The following DMD variants were observed in gnomAD, a reference collection of about 807,000 sequenced individuals.
The protein encoded by DMD is dystrophin, also known as mutant dystrophin.
In DMD, 63 loss-of-function variants were observed where a neutral mutation model predicts 330.1. That is an observed-to-expected ratio of 0.19 (90% CI 0.16 to 0.24). DMD has a LOEUF of 0.24. Among genes scored for constraint, DMD ranks in the 10% least tolerant of loss-of-function variants. DMD has a pLI of 1.00. For missense variants in DMD, 3,344 were observed against 2,684.1 expected (o/e 1.25, Z -5.43); for synonymous variants, 1,223 against 959.8 (o/e 1.27, Z -5.07).
intron 62 of DMD, among the ~76,000 whole-genome samples, chrX:31,299,113 T>C (rs765007671): frequency 8.9e-6 from 1 of 111,771 alleles, no homozygotes; most frequent in Non-Finnish European, 1.9e-5. Flanking sequence ...TCTGCAAATG[T>C]CATTTACAAA....
intron 17 of DMD, among the ~76,000 whole-genome samples, chrX:32,521,103 A>G (rs904224840): frequency 3.6e-5 from 4 of 111,655 alleles, no homozygotes; most frequent in Admixed American, 9.5e-5. Flanking sequence ...AATTAAAGTC[A>G]TTCCCACTAC....
In DMD at chrX:32,724,102, A is replaced by T. The variant is rs142759611; in HGVS notation, c.650-24809T>A. On this transcript the variant is annotated intron_variant, in intron 7 of 78. Coordinates refer to ENST00000357033, the MANE Select transcript of DMD (RefSeq NM_004006.3). ...ATTAGATTCGACAGTTGACAAGTCA[A>T]ATATAATACATTTAAATGGTGCAAT... 8.3e-3 allele frequency among the ~76,000 whole-genome samples: 933 copies of T among 112,228 alleles called. 7 individuals are homozygous for T. Among genetic ancestry groups the T allele is most frequent in the African/African-American group, 0.028 (865 of 31,010 alleles).
chrX:31,155,164 A>C (rs1430656513), intron 74 of DMD, among the ~76,000 whole-genome samples: 2 of 112,467 alleles, frequency 1.8e-5, no homozygotes, highest in African/African-American at 6.5e-5. Context: ...GCAATGATTT[A>C]TGAGTGCCTC....
chrX:32,456,578 T>TTGTGTGTGTGTG (rs60876331), intron 25 of DMD, among the ~76,000 whole-genome samples: 6 of 89,499 alleles, frequency 6.7e-5, no homozygotes, highest in African/African-American at 2.4e-4. Context: ...CATACATACT[T>TTGTGTGTGTGTG]TGTGTGTGTG....
chrX:32,156,760 T>G (rs974633326), intron 44 of DMD, among the ~76,000 whole-genome samples: 3 of 111,632 alleles, frequency 2.7e-5, no homozygotes, highest in African/African-American at 9.8e-5. Flanking sequence ...GAAATTTTAC[T>G]TCTTCTATGA....
chrX:33,045,639 G>A (rs2094369957), intron 1 of DMD, among the ~76,000 whole-genome samples: 1 of 109,291 alleles, frequency 9.1e-6, no homozygotes, highest in South Asian at 4.0e-4. Context: ...TAGAAGCCGT[G>A]TGGGGGTGTG....
chrX:32,482,281 T>C (rs1263899909), intron 21 of DMD, among the ~76,000 whole-genome samples: 2 of 111,513 alleles, frequency 1.8e-5, no homozygotes, highest in African/African-American at 6.5e-5. Flanking sequence ...AAGTATTTTA[T>C]CAACTGTCAT....
rs56794668 is a variant in DMD, at chrX:33,026,313, C to CAAAAAAAAAAAAAAAAAAAA, written c.32-6133_32-6114dup. Among the ~76,000 whole-genome samples, 18 of 32,780 alleles carry CAAAAAAAAAAAAAAAAAAAA rather than the reference C, an allele frequency of 5.5e-4. 1 individual carries two copies. Among genetic ancestry groups the CAAAAAAAAAAAAAAAAAAAA allele is most frequent in the Non-Finnish European group, 6.9e-4 (13 of 18,863 alleles). The allele number at this position is 32,780 out of a possible 115,157, so 28.5% of individuals were successfully genotyped here. A position where few individuals can be genotyped will look rare whatever the true frequency, so the allele number is the denominator to read the frequency against. The stretch of plus-strand genomic sequence containing the variant: ...CTGGGGGACAGAGGAGACTCCGTCT[C>CAAAAAAAAAAAAAAAAAAAA]AAAAAAAAAAAAAAAAAAAAAAAAA... On this transcript the variant is annotated intron_variant, in intron 1 of 78. Coordinates refer to ENST00000357033, the MANE Select transcript of DMD (RefSeq NM_004006.3).
At chrX:32,654,787 T>G (rs1026411865) in intron 9 of DMD, among the ~76,000 whole-genome samples, 1 of 111,215 alleles carries the variant, frequency 9.0e-6, no homozygotes, top group African/African-American at 3.3e-5. Context: ...GTCCTGGACT[T>G]TTTTTGGTTG....
chrX:32,364,313 C>T (rs183946958), intron 36 of DMD, among the ~76,000 whole-genome samples: 1 of 111,810 alleles, frequency 8.9e-6, no homozygotes, highest in East Asian at 2.8e-4. Flanking sequence ...AATATGATTT[C>T]AAAATAAATC....
intron 44 of DMD, among the ~76,000 whole-genome samples, chrX:32,039,467 T>C (rs1385661255): frequency 9.0e-6 from 1 of 111,698 alleles, no homozygotes; most frequent in East Asian, 2.8e-4. Context: ...GATTTTATCA[T>C]CACTAAGATG....
intron 44 of DMD, among the ~76,000 whole-genome samples, chrX:32,153,909 A>G (rs781521689): frequency 1.8e-5 from 2 of 112,216 alleles, no homozygotes; most frequent in Non-Finnish European, 3.8e-5. Flanking sequence ...AAAAATATCA[A>G]TCTGCAATTC....
intron 59 of DMD, among the ~76,000 whole-genome samples, chrX:31,454,270 C>G (rs1222294851): frequency 9.0e-6 from 1 of 110,930 alleles, no homozygotes; most frequent in Non-Finnish European, 1.9e-5. Context: ...TCCCAAGTAG[C>G]TGGGATTACA....
intron 60 of DMD, among the ~76,000 whole-genome samples, chrX:31,391,306 C>G (rs1409173744): frequency 1.8e-5 from 2 of 109,491 alleles, no homozygotes; most frequent in Non-Finnish European, 3.8e-5. Flanking sequence ...AGGGTTTCAC[C>G]ATGTTGGTCA....
At chrX:31,319,083 A>C (rs1177064381) in intron 62 of DMD, among the ~76,000 whole-genome samples, 2 of 112,248 alleles carry the variant, frequency 1.8e-5, no homozygotes, top group African/African-American at 6.5e-5. Flanking sequence ...GGAGACAGCA[A>C]ATAACATTTA....
intron 4 of DMD, among the ~76,000 whole-genome samples, chrX:32,827,544 G>A (rs2078813590): frequency 9.0e-6 from 1 of 111,000 alleles, no homozygotes; most frequent in South Asian, 3.8e-4. Flanking sequence ...TAATAAGTAT[G>A]GTGCCTGATA....
intron 9 of DMD, among the ~76,000 whole-genome samples, chrX:32,664,097 G>C (rs894387535): frequency 9.0e-6 from 1 of 111,569 alleles, no homozygotes; most frequent in Non-Finnish European, 1.9e-5. Flanking sequence ...ATGGATTACA[G>C]GTAAGGCAAG....
chrX:31,852,952 C>T (rs1014071730), intron 48 of DMD, among the ~76,000 whole-genome samples: 1 of 112,443 alleles, frequency 8.9e-6, no homozygotes, highest in African/African-American at 3.2e-5. Context: ...GGCATGATCT[C>T]GGCTCACTGC....
chrX:33,278,235 T>C (rs749630189), intron 1 of DMD, among the ~76,000 whole-genome samples: 22 of 111,698 alleles, frequency 2.0e-4, no homozygotes, highest in South Asian at 1.1e-3. Flanking sequence ...GTTACAAGAG[T>C]ATATTGTGTG....
Sources: allele counts gnomAD v4.1 joint callset (sites outside exome capture counted in the v4.1 genomes callset), GRCh38; gene constraint gnomAD v4.1.1; transcripts MANE v1.5; gene names NCBI Gene and HGNC (gene_info 2026-07-23, HGNC 2026-07-21).